HMCES: variants seen among roughly 807,000 people sequenced by gnomAD.
HMCES encodes the protein abasic site processing protein HMCES.
HMCES carries 27 observed loss-of-function variants against 35.1 expected under a neutral mutation model. The observed-to-expected ratio is 0.77, with a 90% CI of 0.57 to 1.06. HMCES has a LOEUF of 1.06. Ranked by LOEUF, HMCES falls within the 50% of genes least tolerant of loss-of-function variation. HMCES has a pLI of 0.00. For missense variants in HMCES, 391 were observed against 430.4 expected (o/e 0.91, Z 0.81); for synonymous variants, 130 against 154.7 (o/e 0.84, Z 1.18).
chr3:129,302,720 AAAAG>A, intron 6 of HMCES, among the ~76,000 whole-genome samples: 1 of 151,460 alleles, frequency 6.6e-6, no homozygotes, highest in East Asian at 2.0e-4. Context: ...CGTTTCAAAA[AAAAG>A]AAGCTTCAGC....
chr3:129,289,023 C>CTA (rs752334483), intron 3 of HMCES, 26 bp downstream of exon 3: 3 of 1,507,176 alleles, frequency 2.0e-6, no homozygotes, highest in Non-Finnish European at 2.7e-6. Context: ...CTATTAGTGC[C>CTA]CCGTATACCT....
intron 4 of HMCES, among the ~76,000 whole-genome samples, chr3:129,291,831 C>A (rs548652635): frequency 1.3e-5 from 2 of 152,306 alleles, no homozygotes; most frequent in East Asian, 3.9e-4. Context: ...TTGCTCATGC[C>A]TGTAATCCCA....
At chr3:129,290,169 C>T (rs1370228896) in intron 3 of HMCES, among the ~76,000 whole-genome samples, 4 of 130,862 alleles carry the variant, frequency 3.1e-5, no homozygotes, top group Non-Finnish European at 4.6e-5. Context: ...CCAGCCTGGG[C>T]GACAGAGCAA....
At chr3:129,294,348 G>T (rs1219366831) in intron 4 of HMCES, among the ~76,000 whole-genome samples, 2 of 152,066 alleles carry the variant, frequency 1.3e-5, no homozygotes, top group South Asian at 4.1e-4. Flanking sequence ...GTATGAACCC[G>T]GGAGGCGGAG....
chr3:129,303,776 T>C (rs1301232346), intron 6 of HMCES, among the ~76,000 whole-genome samples: 3 of 151,816 alleles, frequency 2.0e-5, no homozygotes, highest in Non-Finnish European at 4.4e-5. Context: ...AGGGTCATGC[T>C]CTGTTGCCCA....
Position 129,298,372 on chromosome 3 carries a change from G to C in HMCES, c.472G>C (p.Ala158Pro). 6.2e-7 allele frequency: 1 copy of C among 1,614,200 alleles called. No individual in the cohort carries two copies. The change falls in exon 5 of 7, where the codon GCA (alanine) becomes CCA (proline). Residue 158 changes from alanine to proline, a missense_variant. Transcript: ENST00000383463. Reference sequence around the variant, plus strand: ...CTTCCAGTCAGGTAGCATTGGTGCTGCAGATAGTCCTGAGAACTGGGAGAA... The same window carrying C: ...CTTCCAGTCAGGTAGCATTGGTGCTCCAGATAGTCCTGAGAACTGGGAGAA... ...KTEKSGSIGA[A>P]DSPENWEKVW...
rs1187424490 is a variant in HMCES, at chr3:129,304,958, T to C, written c.*133T>C. ...GTTAGTTGACAGTTGTGGGCTCATGTAGTCTTTTTTGCCATGAGTAGGAGC... is the reference window on the plus strand; with the variant it reads ...GTTAGTTGACAGTTGTGGGCTCATGCAGTCTTTTTTGCCATGAGTAGGAGC... On this transcript the variant is annotated 3_prime_UTR_variant, in exon 7 of 7. Coordinates refer to ENST00000383463, the MANE Select transcript of HMCES (RefSeq NM_020187.3). 4.2e-6 allele frequency: 3 copies of C among 719,100 alleles called. No individual in the cohort carries two copies. Among genetic ancestry groups the C allele is most frequent in the East Asian group, 2.7e-5 (1 of 37,450 alleles). The allele number at this position is 719,100 out of a possible 1,614,324, so 44.5% of individuals were successfully genotyped here. A position where few individuals can be genotyped will look rare whatever the true frequency, so the allele number is the denominator to read the frequency against.
intron 4 of HMCES, among the ~76,000 whole-genome samples, chr3:129,294,610 C>T (rs2071069716): frequency 6.6e-6 from 1 of 152,166 alleles, no homozygotes. Context: ...ATACTATAAA[C>T]TTACAATACA....
chr3:129,301,909 A>G, intron 5 of HMCES, 41 bp from the exon 6 acceptor site: 1 of 1,516,900 alleles, frequency 6.6e-7, no homozygotes, highest in Non-Finnish European at 9.0e-7. Context: ...CCTTATTCTC[A>G]TGCTACCTCT....
At chr3:129,294,312 A>T (rs13072693) in intron 4 of HMCES, among the ~76,000 whole-genome samples, 80,617 of 151,934 alleles carry the variant, frequency 0.53, 24,864 homozygotes, top group Non-Finnish European at 0.67. Flanking sequence ...AGTCCCAGCT[A>T]CTTGGGAGGC....
chr3:129,297,572 T>C (rs1560077109), intron 4 of HMCES, among the ~76,000 whole-genome samples: 1 of 152,192 alleles, frequency 6.6e-6, no homozygotes. Flanking sequence ...GAGAAAAGCC[T>C]GTGAGCTGGT....
intron 4 of HMCES, among the ~76,000 whole-genome samples, chr3:129,291,820 G>A (rs762871093): frequency 6.6e-6 from 1 of 152,206 alleles, no homozygotes; most frequent in Non-Finnish European, 1.5e-5. Context: ...GCCAGGCACG[G>A]TTGCTCATGC....
chr3:129,292,784 G>A (rs1052458226), intron 4 of HMCES, among the ~76,000 whole-genome samples: 3 of 152,004 alleles, frequency 2.0e-5, no homozygotes, highest in East Asian at 1.9e-4. Flanking sequence ...GCGCCTGGCC[G>A]AGAAAAGTTT....
intron 4 of HMCES, among the ~76,000 whole-genome samples, chr3:129,293,252 A>G (rs2071046480): frequency 6.6e-6 from 1 of 152,164 alleles, no homozygotes; most frequent in Non-Finnish European, 1.5e-5. Flanking sequence ...TCAGTAGTCA[A>G]GAGAGTTTGC....
chr3:129,280,933 G>A (rs796269158), intron 2 of HMCES, among the ~76,000 whole-genome samples: 1 of 152,154 alleles, frequency 6.6e-6, no homozygotes, highest in Non-Finnish European at 1.5e-5. Flanking sequence ...TTTAAAAATC[G>A]TGATTGTTGG....
At chr3:129,302,174 G>T in intron 6 of HMCES, 32 bp downstream of exon 6, 1 of 1,541,182 alleles carries the variant, frequency 6.5e-7, no homozygotes, top group South Asian at 1.2e-5. Context: ...AGTCCTTTTT[G>T]AGCTTTCTGT....
intron 6 of HMCES, among the ~76,000 whole-genome samples, chr3:129,304,098 C>CTAA (rs2071205545): frequency 6.6e-6 from 1 of 152,120 alleles, no homozygotes. Flanking sequence ...TGGCATTGTG[C>CTAA]TAATTCAGAA....
chr3:129,290,648 A>G, intron 3 of HMCES, 31 bp from the exon 4 acceptor site: 2 of 1,606,816 alleles, frequency 1.2e-6, no homozygotes, highest in Non-Finnish European at 1.7e-6. Context: ...TTGTATCACT[A>G]AGACCATATC....
intron 5 of HMCES, among the ~76,000 whole-genome samples, chr3:129,300,357 A>G (rs903238806): frequency 4.6e-5 from 7 of 152,218 alleles, no homozygotes; most frequent in Non-Finnish European, 7.3e-5. Context: ...GAAACTGTGC[A>G]TAAGCAAACA....
Sources: allele counts gnomAD v4.1 joint callset (sites outside exome capture counted in the v4.1 genomes callset), GRCh38; gene constraint gnomAD v4.1.1; transcripts MANE v1.5; gene names NCBI Gene and HGNC (gene_info 2026-07-23, HGNC 2026-07-21).